Variants in ZNF462 observed in about 807,000 individuals in gnomAD.
ZNF462 encodes zinc finger protein 462.
Under a neutral mutation model 201.9 loss-of-function variants are expected in ZNF462, and 10 were observed. The observed-to-expected ratio is 0.05, with a 90% CI of 0.03 to 0.08. ZNF462 has a LOEUF of 0.08. ZNF462 is among the 10% of genes least tolerant of loss of function. The probability of loss-of-function intolerance (pLI) is 1.00; values close to 1 mark genes in which losing one functional copy is unlikely to be tolerated. For missense variants in ZNF462, 2,523 were observed against 3,168.3 expected (o/e 0.80, Z 4.89); for synonymous variants, 1,227 against 1,193.3 (o/e 1.03, Z -0.58).
chr9:106,929,340 G>A lies in ZNF462; in HGVS notation c.5428G>A (p.Val1810Ile), dbSNP rs376844260. Residue 1810 changes from valine to isoleucine, a missense_variant, in exon 3 of 13, where the codon GTC becomes ATC. Val to Ile is a conservative substitution (Grantham distance 29). Coordinates refer to ENST00000277225, the MANE Select transcript of ZNF462 (RefSeq NM_021224.6). This position sits in a 1 kb window ranked among gnomAD's most constrained non-coding sequence, Gnocchi z 8.7. ...ASKLGGYFTA[V>I]YADEHEKPTL... ...CAAGTTGGGGGGCTACTTCACGGCC[G>A]TCTATGCAGATGAGCATGAGAAGCC... 1.7e-4 allele frequency: 280 copies of A among 1,614,050 alleles called. No homozygotes were observed. Among genetic ancestry groups the A allele is most frequent in the Admixed American group, 5.8e-4 (35 of 60,012 alleles).
intron 7 of ZNF462, among the ~76,000 whole-genome samples, chr9:106,957,502 T>A (rs1831634298): frequency 1.3e-5 from 2 of 152,114 alleles, no homozygotes; most frequent in Admixed American, 1.3e-4. Flanking sequence ...AAAAATGGTG[T>A]CAATAGACTT....
chr9:106,996,305 A>G, intron 10 of ZNF462, among the ~76,000 whole-genome samples: 1 of 152,168 alleles, frequency 6.6e-6, no homozygotes, highest in Non-Finnish European at 1.5e-5. Context: ...TAGCAGCATG[A>G]TTTGTAATCC....
intron 1 of ZNF462, among the ~76,000 whole-genome samples, chr9:106,899,374 G>T (rs961097590): frequency 1.3e-5 from 2 of 152,082 alleles, no homozygotes; most frequent in East Asian, 3.9e-4. Context: ...AGACCATCTC[G>T]CAGATGAGGC....
At chr9:106,910,370 T>TTTTTTG (rs1554699839) in intron 1 of ZNF462, among the ~76,000 whole-genome samples, 27 of 144,650 alleles carry the variant, frequency 1.9e-4, no homozygotes, top group African/African-American at 7.2e-4. Flanking sequence ...TAGTTTTTTT[T>TTTTTTG]TTTTTTTTTT....
rs73668720 is a variant in ZNF462 at position 107,003,812 on chromosome 9, T to C, written c.7189+386T>C. On this transcript the variant is annotated intron_variant, in intron 11 of 12. Coordinates refer to ENST00000277225, the MANE Select transcript of ZNF462 (RefSeq NM_021224.6). This position sits in a 1 kb window ranked among gnomAD's most constrained non-coding sequence, Gnocchi z 4.4. ...TTCCAGTTGAATGCATATTTAAAAT[T>C]GCTGCTGGGGCACACACTGCTGGAA... Among the ~76,000 whole-genome samples the C allele has an allele frequency of 0.038, 5,785 of 152,110 alleles. 318 individuals carry two copies. The highest frequency in any genetic ancestry group is 0.13 in the African/African-American group (5,354 of 41,480).
intron 1 of ZNF462, among the ~76,000 whole-genome samples, chr9:106,864,765 T>C (rs1827257953): frequency 6.6e-6 from 1 of 152,164 alleles, no homozygotes. Flanking sequence ...CTCCCAGGGC[T>C]CCCGGGGGCT....
intron 9 of ZNF462, among the ~76,000 whole-genome samples, chr9:106,979,756 G>A (rs571772235): frequency 6.8e-6 from 1 of 147,196 alleles, no homozygotes; most frequent in Admixed American, 6.6e-5. Context: ...GCTTAGCTTT[G>A]CCCATGTATA....
chr9:106,927,656 G>A lies in ZNF462; in HGVS notation c.3744G>A (p.Val1248=), dbSNP rs757656166. The change falls in exon 3 of 13, where the codon GTG becomes GTA. Residue 1248 remains valine, a synonymous_variant. Coordinates refer to ENST00000277225, the MANE Select transcript of ZNF462 (RefSeq NM_021224.6). Reference sequence around the variant, plus strand: ...ATCAGAAGAAGCCTGCCAGCTGCGTGCTTGTCTCCCCCTCTAATCTGGAGC... The same window carrying A: ...ATCAGAAGAAGCCTGCCAGCTGCGTACTTGTCTCCCCCTCTAATCTGGAGC... The part of the protein sequence containing the change: ...DRNQKKPASC[V]LVSPSNLERD... The A allele has an allele frequency of 1.2e-6, 2 of 1,614,080 alleles. No individual in the cohort carries two copies. The highest frequency in any genetic ancestry group is 3.3e-5 in the Admixed American group (2 of 60,014).
chr9:106,932,341 C>A lies in ZNF462; in HGVS notation c.6013-105C>A. Reference sequence around the variant, plus strand: ...AGACGCCAGTGGCGCCCTGGTGGGCCGGGTGGATGGTGAACACTGCTTGCT... The same window carrying A: ...AGACGCCAGTGGCGCCCTGGTGGGCAGGGTGGATGGTGAACACTGCTTGCT... On this transcript the variant is annotated intron_variant, in intron 4 of 12. Transcript: ENST00000277225. The surrounding 1 kb of genome is among the most constrained non-coding windows in gnomAD (Gnocchi z 6.8). 6.4e-7 allele frequency: 1 copy of A among 1,571,198 alleles called. No homozygotes were observed. The highest frequency in any genetic ancestry group is 1.2e-5 in the South Asian group (1 of 86,196).
At chr9:106,940,659 G>T (rs1235631602) in intron 7 of ZNF462, among the ~76,000 whole-genome samples, 4 of 152,090 alleles carry the variant, frequency 2.6e-5, no homozygotes. Context: ...AACAAAGAAG[G>T]CTTGTTATGA....
In ZNF462 at chr9:106,950,179, A is replaced by G. The variant is rs1431475295; in HGVS notation, c.6427+11072A>G. On this transcript the variant is annotated intron_variant, in intron 7 of 12. Transcript: ENST00000277225. The surrounding 1 kb of genome is among the most constrained non-coding windows in gnomAD (Gnocchi z 4.1). ...CTCCATCTTTTCCAATCTGTTTTCCAGGATATCTTTGTTAATCACAAATCA... is the reference window on the plus strand; with the variant it reads ...CTCCATCTTTTCCAATCTGTTTTCCGGGATATCTTTGTTAATCACAAATCA... Among the ~76,000 whole-genome samples the G allele has an allele frequency of 1.3e-5, 2 of 152,178 alleles. No homozygotes were observed. Among genetic ancestry groups the G allele is most frequent in the Non-Finnish European group, 2.9e-5 (2 of 68,032 alleles).
At chr9:106,867,507 A>G (rs1827388603) in intron 1 of ZNF462, among the ~76,000 whole-genome samples, 1 of 152,000 alleles carries the variant, frequency 6.6e-6, no homozygotes, top group South Asian at 2.1e-4. Flanking sequence ...AGTCTAATTC[A>G]TTGACCATAT....
chr9:106,997,455 T>A (rs546860207), intron 10 of ZNF462, among the ~76,000 whole-genome samples: 2 of 152,254 alleles, frequency 1.3e-5, no homozygotes, highest in South Asian at 2.1e-4. Flanking sequence ...ATGAATTTTT[T>A]AAAAAGTGGT....
chr9:106,997,117 C>T (rs1295913513), intron 10 of ZNF462, among the ~76,000 whole-genome samples: 2 of 151,988 alleles, frequency 1.3e-5, no homozygotes, highest in African/African-American at 4.8e-5. Flanking sequence ...CTTTCCCCCC[C>T]CAGCTTTATT....
intron 10 of ZNF462, among the ~76,000 whole-genome samples, chr9:107,001,151 A>G (rs2132608904): frequency 6.6e-6 from 1 of 152,280 alleles, no homozygotes; most frequent in African/African-American, 2.4e-5. Context: ...TTTATGTGCT[A>G]GTCACTTAAA....
At chr9:106,863,883 A>G (rs1827169622) in intron 1 of ZNF462, among the ~76,000 whole-genome samples, 1 of 150,830 alleles carries the variant, frequency 6.6e-6, no homozygotes, top group East Asian at 2.0e-4. Flanking sequence ...AGCGAGGGTC[A>G]GAGGAGGGAG....
At chr9:106,892,723 CACAT>C (rs111366865) in intron 1 of ZNF462, among the ~76,000 whole-genome samples, 30 of 151,840 alleles carry the variant, frequency 2.0e-4, no homozygotes, top group African/African-American at 6.5e-4. Context: ...CACACACACA[CACAT>C]GTTATGCATA....
Position 107,008,023 on chromosome 9 carries a change from G to A in ZNF462, c.7190-1522G>A, listed in dbSNP as rs768257050. On this transcript the variant is annotated intron_variant, in intron 11 of 12. Coordinates refer to ENST00000277225, the MANE Select transcript of ZNF462 (RefSeq NM_021224.6). This position sits in a 1 kb window ranked among gnomAD's most constrained non-coding sequence, Gnocchi z 4.8. The stretch of plus-strand genomic sequence containing the variant: ...TACCTCCTTTCTAAATGCAAGTGCC[G>A]GACTGAATATGGACACGCTGCAGGT... Among the ~76,000 whole-genome samples the A allele has an allele frequency of 5.9e-5, 9 of 152,044 alleles. No individual in the cohort carries two copies. Among genetic ancestry groups the A allele is most frequent in the Admixed American group, 3.3e-4 (5 of 15,252 alleles).
rs1404864589 is a variant in ZNF462 at position 107,012,982 on chromosome 9, G to T, written c.*1952G>T. 2 of 151,908 alleles carry T rather than the reference G, an allele frequency of 1.3e-5. No homozygotes were observed. Among genetic ancestry groups the T allele is most frequent in the African/African-American group, 2.4e-5 (1 of 41,362 alleles). 9.4% of individuals were successfully genotyped at this position (151,908 alleles called of 1,614,324 possible). On this transcript the variant is annotated 3_prime_UTR_variant, in exon 13 of 13. Transcript: ENST00000277225. The stretch of plus-strand genomic sequence containing the variant: ...GGAAACCAGAAAATGGGGAAAGTGT[G>T]AACTATCCAGACAAAGATTCATTTT...
Sources: gnomAD v4.1 joint callset for allele counts (sites outside exome capture counted in the v4.1 genomes callset) on GRCh38, gnomAD v4.1.1 for gene constraint, Gnocchi (gnomAD v3.1) non-coding constraint, MANE v1.5 for transcripts, NCBI Gene and HGNC (gene_info 2026-07-23, HGNC 2026-07-21) for gene names.